HERC2: variants seen among roughly 807,000 people sequenced by gnomAD.
The protein encoded by HERC2 is E3 ubiquitin-protein ligase HERC2.
HERC2 carries 102 observed loss-of-function variants against 537.7 expected under a neutral mutation model. The observed-to-expected ratio is 0.19, with a 90% CI of 0.16 to 0.22. The LOEUF (loss-of-function observed/expected upper bound fraction) is 0.22, where lower values mean the gene tolerates loss of function less well. Among genes scored for constraint, HERC2 ranks in the 10% least tolerant of loss-of-function variants. The pLI, the probability that HERC2 is intolerant of heterozygous loss-of-function variation, is 1.00. For missense variants in HERC2, 4,236 were observed against 6,198.2 expected, an observed-to-expected ratio of 0.68 and a Z score of 10.63; for synonymous variants, 2,224 against 2,466.2, an observed-to-expected ratio of 0.90 and a Z score of 2.91.
intron 20 of HERC2, among the ~76,000 whole-genome samples, chr15:28,253,004 C>G (rs1051743204): frequency 2.6e-5 from 4 of 152,270 alleles, no homozygotes; most frequent in Admixed American, 2.6e-4. Context: ...GCTCGGCTGC[C>G]TGACCCAACC....
chr15:28,291,039 T>C (rs1218700241), intron 4 of HERC2, among the ~76,000 whole-genome samples: 2 of 152,154 alleles, frequency 1.3e-5, no homozygotes, highest in African/African-American at 2.4e-5. Context: ...AAAACTCAAA[T>C]TGATAACTTC....
At chr15:28,163,363 C>T in intron 68 of HERC2, 78 bp from the exon 69 acceptor site, 1 of 1,324,230 alleles carries the variant, frequency 7.6e-7, no homozygotes. Flanking sequence ...TACCCATAAA[C>T]TCAGAGAACA....
intron 74 of HERC2, among the ~76,000 whole-genome samples, chr15:28,143,613 AT>A (rs1891444099): frequency 6.6e-6 from 1 of 151,766 alleles, no homozygotes; most frequent in African/African-American, 2.4e-5. Context: ...CGCCCATCTA[AT>A]TTTTTGTATT....
chr15:28,248,603 T>C lies in HERC2; in HGVS notation c.3184A>G (p.Ile1062Val), dbSNP rs1173000187. Residue 1062 changes from isoleucine to valine, a missense_variant, in exon 21 of 93, where the codon ATT becomes GTT. Physicochemically the swap from Ile to Val is conservative, Grantham distance 29. Transcript: ENST00000261609. The part of the protein sequence containing the change: ...DLLLRFQRLL[I>V]SKLYPGESIG... ...CTTTCTCCTGGATAAAGTTTACTAA[T>C]AAGCAAACGTTGAAAACGCAGTAAC... 6.2e-7 allele frequency: 1 copy of C among 1,613,954 alleles called. No individual in the cohort carries two copies. The highest frequency in any genetic ancestry group is 8.5e-7 in the Non-Finnish European group (1 of 1,179,946).
intron 69 of HERC2, among the ~76,000 whole-genome samples, chr15:28,155,183 A>G (rs959727264): frequency 2.5e-4 from 38 of 151,996 alleles, no homozygotes; most frequent in African/African-American, 7.3e-4. Context: ...CATTTGGGTT[A>G]GTTCCAAGTC....
Position 28,158,919 on chromosome 15 carries a change from T to C in HERC2, c.10746+4175A>G, listed in dbSNP as rs533443154. On this transcript the variant is annotated intron_variant, in intron 69 of 92. Transcript: ENST00000261609. Reference sequence around the variant, plus strand: ...TTAGTGCTTCCTTCAGGAGTTCTTTTAGGGCAGGCCTGGTGGTGACAAAAT... The same window carrying C: ...TTAGTGCTTCCTTCAGGAGTTCTTTCAGGGCAGGCCTGGTGGTGACAAAAT... 2.6e-5 allele frequency among the ~76,000 whole-genome samples: 4 copies of C among 152,340 alleles called. No homozygotes were observed. In the South Asian group the frequency reaches 8.3e-4, roughly 32 times the overall value.
At chr15:28,271,733 G>A (rs931123294) in intron 9 of HERC2, among the ~76,000 whole-genome samples, 1 of 152,132 alleles carries the variant, frequency 6.6e-6, no homozygotes, top group African/African-American at 2.4e-5. Flanking sequence ...GAATGCCTAA[G>A]ACTTTCCCAA....
intron 2 of HERC2, among the ~76,000 whole-genome samples, chr15:28,319,416 A>C (rs1187531073): frequency 2.6e-5 from 4 of 151,432 alleles, no homozygotes; most frequent in Non-Finnish European, 4.4e-5. Context: ...CCCCATCTCT[A>C]CTAAAAATAC....
At chr15:28,131,578 A>T (rs562587482) in intron 81 of HERC2, among the ~76,000 whole-genome samples, 1 of 152,180 alleles carries the variant, frequency 6.6e-6, no homozygotes, top group East Asian at 1.9e-4. Flanking sequence ...GCCTGCAGCC[A>T]CCGGGCTTGA....
Position 28,280,209 on chromosome 15 carries a change from G to C in HERC2, c.401C>G (p.Thr134Ser). The change falls in exon 5 of 93, where the codon ACC becomes AGC. Residue 134 changes from threonine (T) to serine (S), a missense_variant. Thr to Ser is a moderately conservative substitution (Grantham distance 58, BLOSUM62 1). Coordinates refer to ENST00000261609, the MANE Select transcript of HERC2 (RefSeq NM_004667.6). ...QALAVQSATT[T>S]LSALRLKQRL... ...CTGCTTGAGTCGCAGGGCTGAGAGG[G>C]TGGTGGTGGCTGACTGGACGGCCAG... is the stretch of plus-strand genomic sequence containing the variant. 1 of 1,614,176 alleles carries C rather than the reference G, an allele frequency of 6.2e-7. No individual in the cohort carries two copies. The highest frequency in any genetic ancestry group is 8.5e-7 in the Non-Finnish European group (1 of 1,180,004).
At chr15:28,182,660 C>T (rs1338578689) in intron 56 of HERC2, 148 bp from the exon 57 acceptor site, 9 of 643,000 alleles carry the variant, frequency 1.4e-5, no homozygotes, top group Admixed American at 2.9e-5. Flanking sequence ...TAGAAAAAAA[C>T]CTCAAGCATG....
chr15:28,288,848 CAAAAAAA>C (rs374534381), intron 4 of HERC2, among the ~76,000 whole-genome samples: 1 of 74,896 alleles, frequency 1.3e-5, no homozygotes, highest in Admixed American at 1.5e-4. Flanking sequence ...AACTCCATCT[CAAAAAAA>C]AAAAAAAAAG....
intron 52 of HERC2, among the ~76,000 whole-genome samples, chr15:28,194,949 G>A (rs1019250282): frequency 2.0e-5 from 3 of 151,386 alleles, no homozygotes; most frequent in East Asian, 2.0e-4. Context: ...CCAGCTACTC[G>A]GGAGGCTGAT....
rs1294603471 is a variant in HERC2 at position 28,233,089 on chromosome 15, A to G, written c.4675+57T>C. On this transcript the variant is annotated intron_variant, in intron 30 of 92. Coordinates refer to ENST00000261609, the MANE Select transcript of HERC2 (RefSeq NM_004667.6). ...ACTTCACTCTGAAATCACAGATCCA[A>G]TGTGGCAGGGTGAAGCACAAGCTTT... 4 of 1,340,982 alleles carry G rather than the reference A, an allele frequency of 3.0e-6. No individual in the cohort carries two copies. The South Asian group carries it at 4.9e-5, about 17-fold the overall frequency. The allele number at this position is 1,340,982 out of a possible 1,614,324, so 83.1% of individuals were successfully genotyped here.
At chr15:28,216,274 T>C (rs2140462989) in intron 38 of HERC2, among the ~76,000 whole-genome samples, 1 of 152,290 alleles carries the variant, frequency 6.6e-6, no homozygotes, top group South Asian at 2.1e-4. Context: ...TTTAAATATC[T>C]CCACAATCTT....
rs777819420 is a variant in HERC2 at position 28,265,797 on chromosome 15, C to T, written c.1756+20G>A. 1 of 1,614,052 alleles carries T rather than the reference C, an allele frequency of 6.2e-7. No homozygotes were observed. The highest frequency in any genetic ancestry group is 2.2e-5 in the East Asian group (1 of 44,864). On this transcript the variant is annotated intron_variant, in intron 13 of 92. Coordinates refer to ENST00000261609, the MANE Select transcript of HERC2 (RefSeq NM_004667.6). The surrounding 1 kb of genome is among the most constrained non-coding windows in gnomAD (Gnocchi z 4.0). ...GGCCACCTCCTGCTGCATGCTCCCA[C>T]TCATGCAGAGCAGACGTACCATGGC...
At chr15:28,198,260 CTCTA>C (rs1206926831) in intron 50 of HERC2, 114 bp downstream of exon 50, 4 of 1,196,806 alleles carry the variant, frequency 3.3e-6, no homozygotes, top group Admixed American at 2.1e-5. Flanking sequence ...CAAAGGAACA[CTCTA>C]TCTTTCTTCA....
intron 78 of HERC2, among the ~76,000 whole-genome samples, chr15:28,138,454 T>A (rs1308359163): frequency 6.6e-6 from 1 of 152,188 alleles, no homozygotes. Flanking sequence ...CTGAAAATCT[T>A]AGGGCCCTTA....
chr15:28,141,696 C>T (rs1381198231), intron 77 of HERC2, 35 bp downstream of exon 77: 27 of 1,610,358 alleles, frequency 1.7e-5, no homozygotes, highest in African/African-American at 1.1e-4. Context: ...CTCACACTCA[C>T]GATCGACATT....
Sources: gnomAD v4.1 joint callset for allele counts (sites outside exome capture counted in the v4.1 genomes callset) on GRCh38, gnomAD v4.1.1 for gene constraint, Gnocchi (gnomAD v3.1) non-coding constraint, MANE v1.5 for transcripts, NCBI Gene and HGNC (gene_info 2026-07-23, HGNC 2026-07-21) for gene names.